The following DOCK1 variants were observed in gnomAD, a reference collection of about 807,000 sequenced individuals.
The protein encoded by DOCK1 is dedicator of cytokinesis protein 1.
A neutral mutation model predicts 262.7 loss-of-function variants in DOCK1; 138 were observed. The ratio of observed to expected loss-of-function variants is 0.53; its 90% CI spans 0.46 to 0.61. The LOEUF (loss-of-function observed/expected upper bound fraction) is 0.61, where lower values mean the gene tolerates loss of function less well. DOCK1 is among the 20% of genes least tolerant of loss of function. The pLI, the probability that DOCK1 is intolerant of heterozygous loss-of-function variation, is 0.00. For synonymous variants in DOCK1, 866 were observed against 867.4 expected (o/e 1.00, Z 0.03); for missense variants, 1,908 against 2,370.7 (o/e 0.80, Z 4.05).
chr10:127,308,617 G>A (rs780160682), intron 29 of DOCK1, among the ~76,000 whole-genome samples: 3 of 152,080 alleles, frequency 2.0e-5, no homozygotes, highest in South Asian at 2.1e-4. Context: ...CCTGGTACGC[G>A]TTGTTCTCCT....
chr10:127,199,349 T>C (rs892745944), intron 27 of DOCK1, among the ~76,000 whole-genome samples: 1 of 152,172 alleles, frequency 6.6e-6, no homozygotes, highest in Non-Finnish European at 1.5e-5. Flanking sequence ...GTTTGAGGTC[T>C]CAATTTCCAC....
chr10:127,406,733 T>C (rs2067537966), intron 40 of DOCK1, among the ~76,000 whole-genome samples: 1 of 152,230 alleles, frequency 6.6e-6, no homozygotes, highest in Non-Finnish European at 1.5e-5. Context: ...CCCCCTTGTT[T>C]TCATGTTCAA....
At position 126,998,011 on chromosome 10, in the gene DOCK1, T is replaced by G. The variant is rs1591585146; in HGVS notation, c.610-81T>G. 5.2e-6 allele frequency: 8 copies of G among 1,543,404 alleles called. No individual in the cohort carries two copies. The East Asian group carries it at 1.9e-4, about 36-fold the overall frequency. On this transcript the variant is annotated intron_variant, in intron 7 of 51. Transcript: ENST00000623213. ...TTATGCCAATGAGTTATTACAATTT[T>G]CTATTCTGTAGGGAATAAAGAAAGC... is the stretch of plus-strand genomic sequence containing the variant.
chr10:127,405,651 C>T (rs1029009694), intron 40 of DOCK1, among the ~76,000 whole-genome samples: 2 of 152,134 alleles, frequency 1.3e-5, no homozygotes, highest in Admixed American at 1.3e-4. Context: ...TGTGACATCT[C>T]TTCATCACGG....
At position 127,451,404 on chromosome 10, in the gene DOCK1, G is replaced by T; in HGVS notation, c.5638G>T (p.Val1880Leu). The change falls in exon 52 of 52, where the codon GTG becomes TTG. Residue 1880 changes from valine to leucine, a missense_variant. By Grantham distance (32) the Val-to-Leu change is conservative. This residue lies in a region of DOCK1 where 383 missense variants were observed against 420.1 expected (regional missense o/e 0.91). Coordinates refer to ENST00000623213, the MANE Select transcript of DOCK1 (RefSeq NM_001290223.2). Reference sequence around the variant, plus strand: ...AAAGACAACTCGCAAGCAGGCATCGGTGGACTCCGGGATCGTGCAGTGACG... The same window carrying T: ...AAAGACAACTCGCAAGCAGGCATCGTTGGACTCCGGGATCGTGCAGTGACG... ...PPKTTRKQAS[V>L]DSGIVQ 6.3e-7 allele frequency: 1 copy of T among 1,589,436 alleles called. No homozygotes were observed. The highest frequency in any genetic ancestry group is 1.3e-5 in the African/African-American group (1 of 74,366).
chr10:127,278,021 G>T (rs2060806655), intron 29 of DOCK1, among the ~76,000 whole-genome samples: 2 of 152,136 alleles, frequency 1.3e-5, no homozygotes, highest in Admixed American at 6.5e-5. Context: ...CACGCACACA[G>T]CTGTGTCCAC....
At chr10:127,248,208 C>A in intron 28 of DOCK1, 99 bp downstream of exon 28, 1 of 1,054,344 alleles carries the variant, frequency 9.5e-7, no homozygotes, top group Non-Finnish European at 1.4e-6. Flanking sequence ...TAGGATTTTG[C>A]ATGAGAACTT....
intron 49 of DOCK1, among the ~76,000 whole-genome samples, chr10:127,442,515 A>G (rs911033855): frequency 6.6e-6 from 1 of 152,202 alleles, no homozygotes; most frequent in South Asian, 2.1e-4. Flanking sequence ...ACCAACCTGT[A>G]AGAAATATGT....
chr10:126,962,128 G>C (rs1438347446), intron 1 of DOCK1, among the ~76,000 whole-genome samples: 2 of 150,968 alleles, frequency 1.3e-5, no homozygotes, highest in East Asian at 3.9e-4. Context: ...CTCCCAAGTA[G>C]CTGGGACTAC....
intron 1 of DOCK1, among the ~76,000 whole-genome samples, chr10:126,922,209 C>CA (rs1213635501): frequency 0.032 from 1,997 of 63,270 alleles, 30 homozygotes; most frequent in African/African-American, 0.043. Context: ...GACCCTGTAT[C>CA]AAAAAAAAAA....
chr10:127,323,367 C>T (rs1043748270), intron 29 of DOCK1, among the ~76,000 whole-genome samples: 10 of 152,250 alleles, frequency 6.6e-5, no homozygotes, highest in Admixed American at 2.0e-4. Flanking sequence ...CCGGTGGGGA[C>T]GTCTCTCCTG....
At chr10:127,242,212 T>G (rs1041815672) in intron 27 of DOCK1, among the ~76,000 whole-genome samples, 7 of 152,220 alleles carry the variant, frequency 4.6e-5, no homozygotes, top group Admixed American at 3.3e-4. Flanking sequence ...GAACTGGGAA[T>G]GCATGTTTTA....
chr10:127,329,003 G>A (rs1041220572), intron 29 of DOCK1, among the ~76,000 whole-genome samples: 1 of 151,852 alleles, frequency 6.6e-6, no homozygotes, highest in African/African-American at 2.4e-5. Context: ...TACAAAGTTT[G>A]CCATTTAACC....
chr10:127,159,902 G>A (rs1371944642), intron 27 of DOCK1, among the ~76,000 whole-genome samples: 1 of 152,122 alleles, frequency 6.6e-6, no homozygotes, highest in Non-Finnish European at 1.5e-5. Context: ...AGGGCTGGAC[G>A]GCATCTGCTC....
At chr10:127,330,927 A>C (rs1259462502) in intron 29 of DOCK1, among the ~76,000 whole-genome samples, 3 of 152,198 alleles carry the variant, frequency 2.0e-5, no homozygotes, top group African/African-American at 7.2e-5. Context: ...TCTGATGTCA[A>C]AAGTTCAAAC....
chr10:127,160,563 A>G (rs1013003839), intron 27 of DOCK1, among the ~76,000 whole-genome samples: 1 of 152,230 alleles, frequency 6.6e-6, no homozygotes, highest in Non-Finnish European at 1.5e-5. Flanking sequence ...AGCTTCTAGC[A>G]TGTCAGGGAG....
chr10:127,400,961 G>C (rs561632085), intron 38 of DOCK1, among the ~76,000 whole-genome samples: 1 of 152,154 alleles, frequency 6.6e-6, no homozygotes, highest in Non-Finnish European at 1.5e-5. Context: ...ATTCTGCTAA[G>C]GTGTAGACTG....
intron 29 of DOCK1, among the ~76,000 whole-genome samples, chr10:127,313,589 G>T (rs759403844): frequency 1.3e-5 from 2 of 152,130 alleles, no homozygotes; most frequent in African/African-American, 4.8e-5. Context: ...CCCTTCAGGG[G>T]GCTTACTGCA....
intron 38 of DOCK1, among the ~76,000 whole-genome samples, chr10:127,391,877 G>A (rs6482851): frequency 0.032 from 4,913 of 151,928 alleles, 265 homozygotes; most frequent in African/African-American, 0.11. Flanking sequence ...TTCTAATAAA[G>A]TGGCCTCTGG....
Sources: allele counts gnomAD v4.1 joint callset (sites outside exome capture counted in the v4.1 genomes callset), GRCh38; gene constraint gnomAD v4.1.1; regional missense constraint gnomAD v4.1.1; transcripts MANE v1.5; gene names NCBI Gene and HGNC (gene_info 2026-07-23, HGNC 2026-07-21).